Variants in WDR59 observed in about 807,000 individuals in gnomAD.
The protein encoded by WDR59 is WD repeat domain 59.
Under a neutral mutation model 131.2 loss-of-function variants are expected in WDR59, and 100 were observed. The ratio of observed to expected loss-of-function variants is 0.76; its 90% confidence interval spans 0.65 to 0.90. The LOEUF is 0.90. Among genes scored for constraint, WDR59 ranks in the 40% least tolerant of loss-of-function variants. WDR59 has a pLI of 0.00. For synonymous variants in WDR59, 601 were observed against 466.2 expected, an observed-to-expected ratio of 1.29 and a Z score of -3.72; for missense variants, 1,203 against 1,262.2, an observed-to-expected ratio of 0.95 and a Z score of 0.71.
chr16:74,984,990 C>T lies in WDR59; in HGVS notation c.28G>A (p.Val10Met). The T allele has an allele frequency of 2.5e-6, 4 of 1,599,372 alleles. No individual in the cohort carries two copies. The highest frequency in any genetic ancestry group is 1.3e-5 in the African/African-American group (1 of 74,724). MAARWSSEN[V>M]VVEFRDSQAT... Reference sequence around the variant, plus strand: ...TGGGAGTCACGGAACTCTACAACCACGTTTTCGCTGCTCCATCGCGCCGCC... The same window carrying T: ...TGGGAGTCACGGAACTCTACAACCATGTTTTCGCTGCTCCATCGCGCCGCC... Residue 10 changes from valine to methionine, a missense_variant, in exon 1 of 26, where the codon GTG (valine) becomes ATG (methionine). Physicochemically the swap from Val to Met is conservative, Grantham distance 21. Coordinates refer to ENST00000262144, the MANE Select transcript of WDR59 (RefSeq NM_030581.4).
intron 19 of WDR59, 46 bp downstream of exon 19, chr16:74,893,633 T>C (rs1965149537): frequency 2.6e-6 from 4 of 1,548,524 alleles, no homozygotes; most frequent in South Asian, 2.5e-5. Flanking sequence ...GTTTTGCTAA[T>C]CCTGGCTAAA....
In WDR59 at chr16:74,910,994, G is replaced by A. The variant is rs112240452; in HGVS notation, c.1390-1077C>T. Among the ~76,000 whole-genome samples the A allele has an allele frequency of 4.6e-5, 7 of 152,232 alleles. No homozygotes were observed. The East Asian group carries it at 7.7e-4, about 17-fold the overall frequency. On this transcript the variant is annotated intron_variant, in intron 14 of 25. Coordinates refer to ENST00000262144, the MANE Select transcript of WDR59 (RefSeq NM_030581.4). The stretch of plus-strand genomic sequence containing the variant: ...TTCTCCTGCCTCAGCCTACCGAGTC[G>A]CTGGGAATACAGGCATGCGCCACCA...
intron 13 of WDR59, chr16:74,915,622 G>A: frequency 3.0e-6 from 1 of 332,400 alleles, no homozygotes; most frequent in Non-Finnish European, 5.6e-6. Context: ...CACCATGTTG[G>A]CCAGGCTGGT....
intron 1 of WDR59, among the ~76,000 whole-genome samples, chr16:74,977,223 C>A (rs1486233114): frequency 1.3e-5 from 2 of 151,000 alleles, no homozygotes; most frequent in Non-Finnish European, 2.9e-5. Context: ...GCCACAGTAA[C>A]AGCGAGATCG....
At chr16:74,919,103 G>A (rs996931453) in intron 10 of WDR59, among the ~76,000 whole-genome samples, 6 of 151,880 alleles carry the variant, frequency 4.0e-5, no homozygotes, top group Non-Finnish European at 1.5e-5. Flanking sequence ...TCAACCCCTC[G>A]ACCTGTGCCT....
At chr16:74,899,639 C>A in intron 18 of WDR59, 1 of 1,259,178 alleles carries the variant, frequency 7.9e-7, no homozygotes, top group Non-Finnish European at 1.0e-6. Flanking sequence ...GCATTTTATT[C>A]TTGGGCCTCG....
chr16:74,880,013 C>G lies in WDR59; in HGVS notation c.2690-5569G>C, dbSNP rs901482034. Among the ~76,000 whole-genome samples the G allele has an allele frequency of 2.6e-5, 4 of 152,026 alleles. 1 individual carries two copies. Among genetic ancestry groups the G allele is most frequent in the Admixed American group, 1.3e-4 (2 of 15,262 alleles). On this transcript the variant is annotated intron_variant, in intron 25 of 25. Transcript: ENST00000262144. ...CCACAATGGACAACAAAGTGAGACT[C>G]TGTTTCTATTTTATAAAAATTTAAA...
intron 1 of WDR59, among the ~76,000 whole-genome samples, chr16:74,976,816 G>A (rs112237035): frequency 0.012 from 1,806 of 152,134 alleles, 42 homozygotes; most frequent in African/African-American, 0.042. Context: ...CCAGGAGTTC[G>A]AGACCAGCCT....
At chr16:74,982,652 A>G (rs1455130205) in intron 1 of WDR59, among the ~76,000 whole-genome samples, 1 of 152,234 alleles carries the variant, frequency 6.6e-6, no homozygotes, top group African/African-American at 2.4e-5. Flanking sequence ...AAAAGCAATT[A>G]ACAAGAAAGA....
At chr16:74,878,447 C>A (rs955958989) in intron 25 of WDR59, among the ~76,000 whole-genome samples, 21 of 152,226 alleles carry the variant, frequency 1.4e-4, no homozygotes, top group Middle Eastern at 3.4e-3. Context: ...TGAGGCCAGG[C>A]GTTCGAGACC....
chr16:74,886,511 G>C, intron 23 of WDR59, 115 bp from the exon 24 acceptor site: 1 of 1,358,074 alleles, frequency 7.4e-7, no homozygotes, highest in Non-Finnish European at 9.8e-7. Context: ...AATGTTAAGC[G>C]AGGCTGAATA....
intron 1 of WDR59, among the ~76,000 whole-genome samples, chr16:74,973,817 C>T (rs866108026): frequency 3.9e-5 from 6 of 152,102 alleles, no homozygotes; most frequent in Admixed American, 2.0e-4. Context: ...AGGCAGATCG[C>T]CTGAGGTCAA....
At chr16:74,956,650 A>G (rs1251743495) in intron 2 of WDR59, 40 bp from the exon 3 acceptor site, 2 of 1,599,358 alleles carry the variant, frequency 1.3e-6, no homozygotes, top group Non-Finnish European at 1.7e-6. Flanking sequence ...ATAAAAACAC[A>G]ACATCATTAG....
intron 18 of WDR59, chr16:74,899,782 G>A (rs768459292): frequency 4.7e-6 from 6 of 1,286,164 alleles, no homozygotes; most frequent in South Asian, 3.7e-5. Flanking sequence ...ACACCCAGGA[G>A]GAGGGAAGAA....
chr16:74,958,454 T>C (rs1326039058), intron 2 of WDR59, among the ~76,000 whole-genome samples: 3 of 150,598 alleles, frequency 2.0e-5, no homozygotes, highest in Admixed American at 6.6e-5. Flanking sequence ...TAGCTAAACA[T>C]TGGTGGCAGG....
At chr16:74,933,417 G>C (rs375619573) in intron 8 of WDR59, among the ~76,000 whole-genome samples, 4 of 152,284 alleles carry the variant, frequency 2.6e-5, no homozygotes, top group African/African-American at 9.6e-5. Flanking sequence ...CTAGAGAGCA[G>C]AGATTCACCA....
At chr16:74,976,017 A>T (rs951756988) in intron 1 of WDR59, among the ~76,000 whole-genome samples, 2 of 152,150 alleles carry the variant, frequency 1.3e-5, no homozygotes, top group East Asian at 1.9e-4. Flanking sequence ...AAATTTATTT[A>T]AAAAAGAAAA....
rs1249941252 is a variant in WDR59 at position 74,888,200 on chromosome 16, G to A, written c.2315C>T (p.Ser772Phe). The A allele has an allele frequency of 1.2e-6, 2 of 1,612,616 alleles. No individual in the cohort carries two copies. The highest frequency in any genetic ancestry group is 1.7e-6 in the Non-Finnish European group (2 of 1,179,668). ...PNPFGPFPNR[S>F]SNLVVSHSRY... is the part of the protein sequence containing the mutation. ...ACTATGGGACACCACAAGATTAGAA[G>A]AACGGTTAGGAAAAGGCCCAAAGGG... Residue 772 changes from serine (S) to phenylalanine (F), a missense_variant, in exon 22 of 26, where the codon TCT becomes TTT. Transcript: ENST00000262144.
At chr16:74,967,270 C>T (rs1469735811) in intron 1 of WDR59, among the ~76,000 whole-genome samples, 3 of 152,124 alleles carry the variant, frequency 2.0e-5, no homozygotes, top group Non-Finnish European at 2.9e-5. Context: ...AGGAGCAGAG[C>T]GAAGCCCAGA....
Sources: gnomAD v4.1 joint callset for allele counts (sites outside exome capture counted in the v4.1 genomes callset) on GRCh38, gnomAD v4.1.1 for gene constraint, MANE v1.5 for transcripts, NCBI Gene and HGNC (gene_info 2026-07-23, HGNC 2026-07-21) for gene names.